Variants in COL5A2 observed in about 807,000 individuals in gnomAD.
The protein encoded by COL5A2 is collagen alpha-2(V) chain.
Under a neutral mutation model 208.2 loss-of-function variants are expected in COL5A2, and 23 were observed. The ratio of observed to expected loss-of-function variants is 0.11; its 90% confidence interval spans 0.08 to 0.16. COL5A2 has a LOEUF of 0.16. Among genes scored for constraint, COL5A2 ranks in the 10% least tolerant of loss-of-function variants. The pLI, the probability that COL5A2 is intolerant of heterozygous loss-of-function variation, is 1.00. For missense variants in COL5A2, 1,590 were observed against 1,956.4 expected, an observed-to-expected ratio of 0.81 and a Z score of 3.53; for synonymous variants, 625 against 628.5, an observed-to-expected ratio of 0.99 and a Z score of 0.08.
At chr2:189,127,835 C>A (rs1687636961) in intron 1 of COL5A2, among the ~76,000 whole-genome samples, 1 of 151,942 alleles carries the variant, frequency 6.6e-6, no homozygotes, top group Non-Finnish European at 1.5e-5. Flanking sequence ...GAGTAGGATG[C>A]AGCAGGAGAG....
At position 189,058,530 on chromosome 2, in the gene COL5A2, A is replaced by T. The variant is rs1685951060; in HGVS notation, c.2131-3T>A. On this transcript the variant is annotated splice_region_variant and splice_polypyrimidine_tract_variant and intron_variant, in intron 32 of 53. Coordinates refer to ENST00000374866, the MANE Select transcript of COL5A2 (RefSeq NM_000393.5). The stretch of plus-strand genomic sequence containing the variant: ...TCCCCAGGATTTCCTCGTTCTCCCT[A>T]GCACAAAATTGGGATGTCAAATAAT... 2 of 1,611,992 alleles carry T rather than the reference A, an allele frequency of 1.2e-6. No homozygotes were observed. Among genetic ancestry groups the T allele is most frequent in the African/African-American group, 2.7e-5 (2 of 74,866 alleles).
the COL5A2 span, among the ~76,000 whole-genome samples, chr2:189,397,328 G>A: frequency 6.6e-6 from 1 of 152,168 alleles, no homozygotes; most frequent in African/African-American, 2.4e-5. Flanking sequence ...AAAGGAGCTT[G>A]TGGTTTAATG....
At chr2:189,262,522 A>T in the COL5A2 span, among the ~76,000 whole-genome samples, 4 of 152,108 alleles carry the variant, frequency 2.6e-5, no homozygotes, top group African/African-American at 9.7e-5. Context: ...AACAGCATTT[A>T]TGGTTCACCG....
chr2:189,082,041 G>A (rs1686545583), intron 12 of COL5A2, among the ~76,000 whole-genome samples: 1 of 152,114 alleles, frequency 6.6e-6, no homozygotes, highest in African/African-American at 2.4e-5. Flanking sequence ...TTAGCCTTAT[G>A]TTTGGTTAAT....
chr2:189,092,228 A>G (rs1192827356), intron 7 of COL5A2, 82 bp downstream of exon 7: 2 of 906,084 alleles, frequency 2.2e-6, no homozygotes. Context: ...ATATCTGAAC[A>G]GACACAATTT....
chr2:189,242,332 T>C, the COL5A2 span, among the ~76,000 whole-genome samples: 2 of 152,344 alleles, frequency 1.3e-5, no homozygotes, highest in African/African-American at 4.8e-5. Flanking sequence ...TAACCCTGTA[T>C]GGTAGGTACT....
At position 189,057,495 on chromosome 2, in the gene COL5A2, A is replaced by G. The variant is rs980905150; in HGVS notation, c.2230-68T>C. 2.8e-5 allele frequency: 33 copies of G among 1,193,542 alleles called. No homozygotes were observed. The Admixed American group carries it at 5.6e-4, about 20-fold the overall frequency. The allele number at this position is 1,193,542 out of a possible 1,614,324, so 73.9% of individuals were successfully genotyped here. On this transcript the variant is annotated intron_variant, in intron 33 of 53. Coordinates refer to ENST00000374866, the MANE Select transcript of COL5A2 (RefSeq NM_000393.5). ...GATTAAACTAATGAAATTGCTTTTT[A>G]GTGGGTCAAAAGTAGTTGTCAGCAA...
chr2:189,290,717 T>TACACACAC, the COL5A2 span, among the ~76,000 whole-genome samples: 48,597 of 136,288 alleles, frequency 0.36, 9,697 homozygotes, highest in East Asian at 0.48. Context: ...TTTTTGTTAA[T>TACACACAC]ACACACACAC....
chr2:189,152,286 C>G (rs1017457983), intron 1 of COL5A2, among the ~76,000 whole-genome samples: 3 of 152,158 alleles, frequency 2.0e-5, no homozygotes, highest in African/African-American at 7.2e-5. Flanking sequence ...TTTCTAACTT[C>G]AAGTACAATA....
the COL5A2 span, among the ~76,000 whole-genome samples, chr2:189,404,477 A>C: frequency 2.0e-5 from 3 of 152,116 alleles, no homozygotes; most frequent in Non-Finnish European, 4.4e-5. Context: ...CCTTATTCTC[A>C]GGCCTTTGGT....
intron 7 of COL5A2, among the ~76,000 whole-genome samples, chr2:189,090,804 G>A (rs1686768076): frequency 6.6e-6 from 1 of 152,118 alleles, no homozygotes; most frequent in Admixed American, 6.5e-5. Context: ...AATATTTCAA[G>A]CCCACTATTG....
intron 4 of COL5A2, among the ~76,000 whole-genome samples, chr2:189,099,076 C>A (rs1686996080): frequency 6.6e-6 from 1 of 152,084 alleles, no homozygotes; most frequent in African/African-American, 2.4e-5. Context: ...TCTTAAGGAT[C>A]TTAAGTGGAA....
the COL5A2 span, among the ~76,000 whole-genome samples, chr2:189,316,016 T>A: frequency 6.6e-6 from 1 of 151,870 alleles, no homozygotes; most frequent in Non-Finnish European, 1.5e-5. Flanking sequence ...TTGGTGGGAG[T>A]GTAAATTAGT....
chr2:189,222,050 C>A (rs1689353039), intron 1 of COL5A2, among the ~76,000 whole-genome samples: 1 of 152,038 alleles, frequency 6.6e-6, no homozygotes, highest in Non-Finnish European at 1.5e-5. Flanking sequence ...TAGGGCATTA[C>A]TAGAATTAAA....
At position 189,086,367 on chromosome 2, in the gene COL5A2, G is replaced by A. The variant is rs531627980; in HGVS notation, c.690+359C>T. Reference sequence around the variant, plus strand: ...ATTCTTATTTCTAATAATACTACACGGGGATTGCCTCCTATGATCTGATTT... The same window carrying A: ...ATTCTTATTTCTAATAATACTACACAGGGATTGCCTCCTATGATCTGATTT... On this transcript the variant is annotated intron_variant, in intron 9 of 53. Transcript: ENST00000374866. 5.3e-5 allele frequency among the ~76,000 whole-genome samples: 8 copies of A among 152,160 alleles called. 1 individual carries two copies. The South Asian group carries it at 6.2e-4, about 12-fold the overall frequency.
intron 42 of COL5A2, 98 bp downstream of exon 42, chr2:189,051,222 G>T: frequency 6.7e-7 from 1 of 1,493,366 alleles, no homozygotes; most frequent in Non-Finnish European, 9.3e-7. Context: ...AATGTGCCCA[G>T]CATAATATTT....
chr2:189,154,861 TA>T (rs1177518107), intron 1 of COL5A2, among the ~76,000 whole-genome samples: 1 of 152,294 alleles, frequency 6.6e-6, no homozygotes, highest in East Asian at 1.9e-4. Flanking sequence ...TTACCTGGCA[TA>T]AAACTCGAAA....
chr2:189,190,860 C>A (rs2105845008), intron 1 of COL5A2, among the ~76,000 whole-genome samples: 1 of 152,260 alleles, frequency 6.6e-6, no homozygotes, highest in Non-Finnish European at 1.5e-5. Context: ...AGAGAGATTA[C>A]TTTGAGAATG....
rs570306420 is a variant in COL5A2, at chr2:189,060,534, A to T, written c.2085+196T>A. 8.8e-4 allele frequency among the ~76,000 whole-genome samples: 134 copies of T among 152,308 alleles called. 2 individuals are homozygous for T. In the Middle Eastern group the frequency reaches 0.01, roughly 12 times the overall value. On this transcript the variant is annotated intron_variant, in intron 31 of 53. Transcript: ENST00000374866. ...TCTATTAACTGTGTGACTTTGGGAA[A>T]GTTATCTAACATCTGTATGCCCCAT...
Sources: allele counts gnomAD v4.1 joint callset (sites outside exome capture counted in the v4.1 genomes callset), GRCh38; gene constraint gnomAD v4.1.1; transcripts MANE v1.5; gene names NCBI Gene and HGNC (gene_info 2026-07-23, HGNC 2026-07-21).